The following ZDHHC14 variants were observed in gnomAD, a reference collection of about 807,000 sequenced individuals.
ZDHHC14 encodes the protein palmitoyltransferase ZDHHC14.
Under a neutral mutation model 47.7 loss-of-function variants are expected in ZDHHC14, and 16 were observed. The ratio of observed to expected loss-of-function variants is 0.34; its 90% CI spans 0.23 to 0.51. The LOEUF (loss-of-function observed/expected upper bound fraction) is 0.51, where lower values mean the gene tolerates loss of function less well. Among genes scored for constraint, ZDHHC14 ranks in the 20% least tolerant of loss-of-function variants. The pLI is 0.97. For synonymous variants in ZDHHC14, 293 were observed against 278.9 expected, an observed-to-expected ratio of 1.05 and a Z score of -0.50; for missense variants, 515 against 662.5, an observed-to-expected ratio of 0.78 and a Z score of 2.44.
chr6:157,619,247 C>T (rs1014092238), intron 3 of ZDHHC14, among the ~76,000 whole-genome samples: 5 of 151,806 alleles, frequency 3.3e-5, no homozygotes, highest in African/African-American at 1.2e-4. Context: ...AAATCATAGC[C>T]GGGCATGGTG....
At chr6:157,414,821 CTTT>C (rs71027333) in intron 1 of ZDHHC14, among the ~76,000 whole-genome samples, 6 of 111,992 alleles carry the variant, frequency 5.4e-5, no homozygotes, top group African/African-American at 2.1e-4. Context: ...AGGTTTGCAG[CTTT>C]TTTTTTTTTT....
At chr6:157,507,742 C>T (rs1392496065) in intron 1 of ZDHHC14, among the ~76,000 whole-genome samples, 1 of 152,154 alleles carries the variant, frequency 6.6e-6, no homozygotes, top group Non-Finnish European at 1.5e-5. Flanking sequence ...CAGAGTCTCC[C>T]GTCATGATCA....
intron 1 of ZDHHC14, among the ~76,000 whole-genome samples, chr6:157,384,305 C>A (rs1003864419): frequency 5.3e-5 from 8 of 152,158 alleles, no homozygotes; most frequent in Non-Finnish European, 1.2e-4. Context: ...CTTTTATTTT[C>A]TTCATTCAAA....
At chr6:157,394,757 G>C (rs1045802247) in intron 1 of ZDHHC14, among the ~76,000 whole-genome samples, 1 of 152,110 alleles carries the variant, frequency 6.6e-6, no homozygotes, top group Non-Finnish European at 1.5e-5. Context: ...ACTATATCTT[G>C]GGGCACTTTA....
chr6:157,418,042 A>C (rs1778019086), intron 1 of ZDHHC14, among the ~76,000 whole-genome samples: 1 of 151,806 alleles, frequency 6.6e-6, no homozygotes, highest in Admixed American at 6.6e-5. Context: ...CTCGGGGCCC[A>C]GGCACTTTCC....
At chr6:157,409,413 C>T (rs1030039343) in intron 1 of ZDHHC14, among the ~76,000 whole-genome samples, 1 of 152,146 alleles carries the variant, frequency 6.6e-6, no homozygotes, top group Non-Finnish European at 1.5e-5. Context: ...GTGACTCCTG[C>T]AGTTAGCATG....
chr6:157,465,867 C>A (rs1232259177), intron 1 of ZDHHC14, among the ~76,000 whole-genome samples: 1 of 152,082 alleles, frequency 6.6e-6, no homozygotes, highest in Non-Finnish European at 1.5e-5. Flanking sequence ...CACGGCGAAA[C>A]CCCGTCCCTA....
chr6:157,578,042 TG>T (rs137912727), intron 2 of ZDHHC14, among the ~76,000 whole-genome samples: 27,154 of 151,560 alleles, frequency 0.18, 2,943 homozygotes, highest in African/African-American at 0.32. Context: ...TTAATGGGGT[TG>T]TTTTTTTTTC....
chr6:157,456,867 G>T (rs1203666058), intron 1 of ZDHHC14, among the ~76,000 whole-genome samples: 1 of 152,080 alleles, frequency 6.6e-6, no homozygotes, highest in Non-Finnish European at 1.5e-5. Context: ...TGAGTTGTGG[G>T]CCGGGCGTGG....
chr6:157,461,324 C>T (rs1273428770), intron 1 of ZDHHC14, among the ~76,000 whole-genome samples: 3 of 152,198 alleles, frequency 2.0e-5, no homozygotes, highest in Non-Finnish European at 4.4e-5. Context: ...TCTGTGAATG[C>T]ATTTGATGTA....
At chr6:157,505,156 A>G (rs1434483208) in intron 1 of ZDHHC14, among the ~76,000 whole-genome samples, 1 of 152,194 alleles carries the variant, frequency 6.6e-6, no homozygotes, top group Non-Finnish European at 1.5e-5. Context: ...CAAGCAATAA[A>G]TTGTTCAGAG....
intron 3 of ZDHHC14, among the ~76,000 whole-genome samples, chr6:157,627,064 A>G (rs1785461634): frequency 6.6e-6 from 1 of 152,168 alleles, no homozygotes; most frequent in African/African-American, 2.4e-5. Context: ...GTTTCTTATT[A>G]CTACCACTTG....
At chr6:157,551,856 A>G (rs1419372364) in intron 2 of ZDHHC14, among the ~76,000 whole-genome samples, 1 of 152,200 alleles carries the variant, frequency 6.6e-6, no homozygotes, top group Non-Finnish European at 1.5e-5. Context: ...AAATAGCCAT[A>G]TGAACTTAGT....
chr6:157,515,334 T>A (rs1265146304), intron 1 of ZDHHC14, among the ~76,000 whole-genome samples: 3 of 152,200 alleles, frequency 2.0e-5, no homozygotes, highest in African/African-American at 7.2e-5. Flanking sequence ...CAGAGCACAG[T>A]GTAACTGATT....
intron 2 of ZDHHC14, among the ~76,000 whole-genome samples, chr6:157,574,907 T>C (rs1783247724): frequency 1.3e-5 from 2 of 152,242 alleles, no homozygotes; most frequent in Non-Finnish European, 1.5e-5. Context: ...GAACCCTTCT[T>C]GGCCTCTGTA....
At chr6:157,457,466 G>A (rs777619582) in intron 1 of ZDHHC14, among the ~76,000 whole-genome samples, 10 of 152,138 alleles carry the variant, frequency 6.6e-5, no homozygotes, top group Admixed American at 4.6e-4. Flanking sequence ...GTTTTAAAAC[G>A]GACAATAAAG....
intron 3 of ZDHHC14, among the ~76,000 whole-genome samples, chr6:157,595,414 G>A (rs911157495): frequency 1.3e-5 from 2 of 151,982 alleles, no homozygotes; most frequent in Admixed American, 1.3e-4. Context: ...GGCTGGTCTT[G>A]AACTGGCCTC....
intron 5 of ZDHHC14, among the ~76,000 whole-genome samples, chr6:157,633,245 T>C (rs1312069710): frequency 2.0e-5 from 3 of 152,144 alleles, no homozygotes; most frequent in African/African-American, 7.2e-5. Context: ...CACGTGTGGG[T>C]TGCATCCTGG....
At chr6:157,391,240 C>T (rs906871875) in intron 1 of ZDHHC14, among the ~76,000 whole-genome samples, 5 of 152,140 alleles carry the variant, frequency 3.3e-5, no homozygotes, top group Non-Finnish European at 7.3e-5. Context: ...GCCTGACTGC[C>T]GGCTTTTTGG....
Sources: gnomAD v4.1 joint callset for allele counts (sites outside exome capture counted in the v4.1 genomes callset) on GRCh38, gnomAD v4.1.1 for gene constraint, MANE v1.5 for transcripts, NCBI Gene and HGNC (gene_info 2026-07-23, HGNC 2026-07-21) for gene names.